TBC1D4: variants seen among roughly 807,000 people sequenced by gnomAD.
The protein encoded by TBC1D4 is TBC (Tre-2, BUB2, CDC16) domain-containing protein.
In TBC1D4, 121 loss-of-function variants were observed where a neutral mutation model predicts 142.5. That is an observed-to-expected ratio of 0.85 (90% CI 0.73 to 0.99). TBC1D4 has a LOEUF of 0.99. Ranked by LOEUF, TBC1D4 falls within the 50% of genes least tolerant of loss-of-function variation. TBC1D4 has a pLI of 0.00. For missense variants in TBC1D4, 1,475 were observed against 1,606.6 expected, an observed-to-expected ratio of 0.92 and a Z score of 1.40; for synonymous variants, 630 against 628.2, an observed-to-expected ratio of 1.00 and a Z score of -0.04.
intron 8 of TBC1D4, 55 bp downstream of exon 8, chr13:75,336,866 A>G: frequency 1.9e-6 from 3 of 1,609,272 alleles, no homozygotes; most frequent in Non-Finnish European, 2.5e-6. Context: ...GACTGAAGCT[A>G]AACTGTTAGA....
At chr13:75,417,876 C>T (rs1242308867) in intron 1 of TBC1D4, among the ~76,000 whole-genome samples, 1 of 152,060 alleles carries the variant, frequency 6.6e-6, no homozygotes, top group Non-Finnish European at 1.5e-5. Context: ...CACATCGTGC[C>T]AATTACTAGT....
chr13:75,333,155 T>A (rs1879899413), intron 8 of TBC1D4, among the ~76,000 whole-genome samples: 1 of 152,178 alleles, frequency 6.6e-6, no homozygotes, highest in Admixed American at 6.5e-5. Flanking sequence ...GAAGGTGAAA[T>A]TTTTCTTTGT....
intron 1 of TBC1D4, 58 bp downstream of exon 1, chr13:75,481,212 C>CCCG: frequency 6.7e-7 from 1 of 1,487,022 alleles, no homozygotes; most frequent in Non-Finnish European, 9.2e-7. Flanking sequence ...CCCTCCCGCC[C>CCCG]TGCTCCCCGA....
At chr13:75,417,005 G>A (rs1365324288) in intron 1 of TBC1D4, among the ~76,000 whole-genome samples, 2 of 152,152 alleles carry the variant, frequency 1.3e-5, no homozygotes, top group Non-Finnish European at 2.9e-5. Flanking sequence ...CTGCTCATAG[G>A]TGGACCCTCC....
intron 1 of TBC1D4, among the ~76,000 whole-genome samples, chr13:75,449,848 G>A (rs1887459223): frequency 6.6e-6 from 1 of 152,098 alleles, no homozygotes; most frequent in African/African-American, 2.4e-5. Context: ...GCCTCCCAAA[G>A]TGCTGGGATT....
At chr13:75,409,435 G>A (rs1885493737) in intron 1 of TBC1D4, among the ~76,000 whole-genome samples, 1 of 152,144 alleles carries the variant, frequency 6.6e-6, no homozygotes, top group African/African-American at 2.4e-5. Context: ...CGATTAATCT[G>A]TTCTTCCATT....
intron 4 of TBC1D4, among the ~76,000 whole-genome samples, chr13:75,353,536 T>G (rs1881790016): frequency 6.6e-6 from 1 of 152,038 alleles, no homozygotes; most frequent in Admixed American, 6.6e-5. Context: ...TAAGTGAGTG[T>G]GGGGATTGGC....
At chr13:75,297,477 G>T (rs1385946136) in intron 17 of TBC1D4, among the ~76,000 whole-genome samples, 4 of 152,102 alleles carry the variant, frequency 2.6e-5, no homozygotes, top group Non-Finnish European at 5.9e-5. Flanking sequence ...CAGGTGACCA[G>T]GCACAGTGGG....
At chr13:75,378,918 T>C (rs1236150723) in intron 1 of TBC1D4, among the ~76,000 whole-genome samples, 1 of 152,156 alleles carries the variant, frequency 6.6e-6, no homozygotes, top group East Asian at 1.9e-4. Context: ...CAAAGCTTCA[T>C]ATTTAAGCTT....
rs201175293 is a variant in TBC1D4, at chr13:75,481,493, C to A, written c.275G>T (p.Arg92Leu). ...CCCAGCGCCCGGCGCGGGGACGCAA[C>A]GCAGGAAGGGCGCGCTGAGCACCAG... ...VILVLSAPFL[R>L]CVPAPGAGAS... is the part of the protein sequence containing the mutation. The change falls in exon 1 of 21, where the codon CGT becomes CTT. Residue 92 changes from arginine to leucine, a missense_variant. Physicochemically the swap from Arg to Leu is moderately radical, Grantham distance 102. Coordinates refer to ENST00000377636, the MANE Select transcript of TBC1D4 (RefSeq NM_014832.5). 1.0e-4 allele frequency: 169 copies of A among 1,612,406 alleles called. No homozygotes were observed. Among genetic ancestry groups the A allele is most frequent in the Non-Finnish European group, 1.4e-4 (166 of 1,179,126 alleles).
intron 1 of TBC1D4, among the ~76,000 whole-genome samples, chr13:75,424,674 C>T (rs1886308891): frequency 6.6e-6 from 1 of 152,066 alleles, no homozygotes; most frequent in African/African-American, 2.4e-5. Flanking sequence ...ACACATAGGC[C>T]AGTGGAATGG....
At position 75,480,651 on chromosome 13, in the gene TBC1D4, A is replaced by G. The variant is rs75420512; in HGVS notation, c.498+619T>C. On this transcript the variant is annotated intron_variant, in intron 1 of 20. Transcript: ENST00000377636. The stretch of plus-strand genomic sequence containing the variant: ...CAAAAAAAGGGCTTCTTTCCATTCA[A>G]TATCCAAATGTAGAATCCTTCTTTG... Among the ~76,000 whole-genome samples the G allele has an allele frequency of 2.1e-3, 326 of 152,340 alleles. 1 individual carries two copies. The East Asian group carries it at 0.042, about 20-fold the overall frequency.
intron 19 of TBC1D4, among the ~76,000 whole-genome samples, chr13:75,291,146 T>G (rs1875260118): frequency 6.6e-6 from 1 of 152,184 alleles, no homozygotes; most frequent in Admixed American, 6.5e-5. Flanking sequence ...TTCTCTGCCC[T>G]CATCCATTCT....
rs1888917541 is a variant in TBC1D4, at chr13:75,482,099, G to A, written c.-332C>T. The A allele has an allele frequency of 4.2e-6, 1 of 239,666 alleles. No individual in the cohort carries two copies. The highest frequency in any genetic ancestry group is 5.7e-5 in the Admixed American group (1 of 17,694). The allele number at this position is 239,666 out of a possible 1,614,324, so 14.8% of individuals were successfully genotyped here. ...TTGCAGGGTCAGAGGACCACGCCGAGGGTCCCCGCGGCCGCCGGCTCCAGC... is the reference window on the plus strand; with the variant it reads ...TTGCAGGGTCAGAGGACCACGCCGAAGGTCCCCGCGGCCGCCGGCTCCAGC... On this transcript the variant is annotated 5_prime_UTR_variant, in exon 1 of 21. Coordinates refer to ENST00000377636, the MANE Select transcript of TBC1D4 (RefSeq NM_014832.5).
chr13:75,342,927 G>A (rs1358315573), intron 5 of TBC1D4, among the ~76,000 whole-genome samples: 1 of 151,782 alleles, frequency 6.6e-6, no homozygotes, highest in East Asian at 1.9e-4. Flanking sequence ...TCATTCTCAG[G>A]TTATAACTAA....
Position 75,286,896 on chromosome 13 carries a change from G to A in TBC1D4, c.3793C>T (p.Leu1265Phe). The change falls in exon 21 of 21, where the codon CTC becomes TTC. Residue 1265 changes from leucine (L) to phenylalanine (F), a missense_variant. Around this residue, in one of 2 missense-constraint regions of TBC1D4, gnomAD observed 248 missense variants for 338.9 expected, o/e 0.73. Transcript: ENST00000377636. ...GCATCCGCGGGCAGCAGCTTCCGGA[G>A]TTGCTCCACTGTCTTTTGATAAGCC... is the stretch of plus-strand genomic sequence containing the variant. ...KMAYQKTVEQ[L>F]RKLLPADALV... is the part of the protein sequence containing the mutation. 1 of 1,614,012 alleles carries A rather than the reference G, an allele frequency of 6.2e-7. No homozygotes were observed. Among genetic ancestry groups the A allele is most frequent in the Non-Finnish European group, 8.5e-7 (1 of 1,179,984 alleles).
At chr13:75,398,503 A>G (rs1003507173) in intron 1 of TBC1D4, among the ~76,000 whole-genome samples, 1 of 152,218 alleles carries the variant, frequency 6.6e-6, no homozygotes, top group Admixed American at 6.5e-5. Flanking sequence ...AATGTACACA[A>G]CAGAGAGAGT....
In TBC1D4 at chr13:75,292,168, A is replaced by G; in HGVS notation, c.3420T>C (p.Ile1140=). ...LIMECESFEN[I]VEFLKNTLPD... ...GTAGCGTGTTTTTAAGAAACTCAAC[A>G]ATATTTTCAAAGCTCTCACATTCCA... The change falls in exon 19 of 21, where the codon ATT becomes ATC. Residue 1140 remains isoleucine, a synonymous_variant. Transcript: ENST00000377636. 1 of 1,613,454 alleles carries G rather than the reference A, an allele frequency of 6.2e-7. No individual in the cohort carries two copies. The highest frequency in any genetic ancestry group is 8.5e-7 in the Non-Finnish European group (1 of 1,179,662).
At chr13:75,300,164 T>A (rs930883099) in intron 16 of TBC1D4, among the ~76,000 whole-genome samples, 1 of 152,196 alleles carries the variant, frequency 6.6e-6, no homozygotes, top group African/African-American at 2.4e-5. Flanking sequence ...AATACCTCCA[T>A]GAGCCATGTA....
Sources: gnomAD v4.1 joint callset for allele counts (sites outside exome capture counted in the v4.1 genomes callset) on GRCh38, gnomAD v4.1.1 for gene constraint, gnomAD v4.1.1 regional missense constraint, MANE v1.5 for transcripts, NCBI Gene and HGNC (gene_info 2026-07-23, HGNC 2026-07-21) for gene names.